The following GULP1 variants were observed in gnomAD, a reference collection of about 807,000 sequenced individuals.
The protein encoded by GULP1 is PTB domain-containing engulfment adapter protein 1.
In GULP1, 19 loss-of-function variants were observed where a neutral mutation model predicts 40.9. That is an observed-to-expected ratio of 0.46 (90% CI 0.32 to 0.68). The LOEUF (loss-of-function observed/expected upper bound fraction) is 0.68, where lower values mean the gene tolerates loss of function less well. Ranked by LOEUF, GULP1 falls within the 30% of genes least tolerant of loss-of-function variation. The pLI is 0.03. For synonymous variants in GULP1, 119 were observed against 117.6 expected, an observed-to-expected ratio of 1.01 and a Z score of -0.08; for missense variants, 312 against 362.2, an observed-to-expected ratio of 0.86 and a Z score of 1.12.
chr2:188,528,325 G>A (rs1686696885), intron 5 of GULP1, among the ~76,000 whole-genome samples: 1 of 151,766 alleles, frequency 6.6e-6, no homozygotes, highest in South Asian at 2.1e-4. Flanking sequence ...AGTTTAGCTG[G>A]GCTCCTGAAA....
intron 2 of GULP1, among the ~76,000 whole-genome samples, chr2:188,459,109 G>T (rs1393235009): frequency 6.6e-6 from 1 of 152,094 alleles, no homozygotes; most frequent in Non-Finnish European, 1.5e-5. Context: ...TACACACTTA[G>T]GTTGCTTCCA....
intron 2 of GULP1, among the ~76,000 whole-genome samples, chr2:188,417,425 G>A (rs2054728014): frequency 6.6e-6 from 1 of 152,202 alleles, no homozygotes; most frequent in South Asian, 2.1e-4. Context: ...TCGTCAGCAA[G>A]AAGGAAGATG....
chr2:188,387,814 T>C (rs924096663), intron 2 of GULP1, among the ~76,000 whole-genome samples: 2 of 152,156 alleles, frequency 1.3e-5, no homozygotes, highest in African/African-American at 4.8e-5. Flanking sequence ...CATTATTATA[T>C]GGAGAGGAAC....
chr2:188,459,351 GC>G (rs1249340231), intron 2 of GULP1, among the ~76,000 whole-genome samples: 1 of 152,090 alleles, frequency 6.6e-6, no homozygotes, highest in Non-Finnish European at 1.5e-5. Context: ...ATTCTCGCTA[GC>G]ATTTTTTATT....
intron 2 of GULP1, among the ~76,000 whole-genome samples, chr2:188,394,596 A>G (rs902209791): frequency 3.3e-5 from 5 of 152,176 alleles, no homozygotes; most frequent in Non-Finnish European, 5.9e-5. Flanking sequence ...GGGGTATTAT[A>G]GAACCCTGTT....
At chr2:188,322,996 C>G (rs2040215804) in intron 1 of GULP1, among the ~76,000 whole-genome samples, 1 of 152,064 alleles carries the variant, frequency 6.6e-6, no homozygotes, top group African/African-American at 2.4e-5. Flanking sequence ...GTTCTCATTC[C>G]TCCCCCTACT....
At chr2:188,423,905 A>G (rs746771561) in intron 2 of GULP1, among the ~76,000 whole-genome samples, 48 of 151,938 alleles carry the variant, frequency 3.2e-4, no homozygotes, top group Middle Eastern at 3.4e-3. Context: ...ATTTTCTACA[A>G]TACACACACA....
At position 188,438,949 on chromosome 2, in the gene GULP1, G is replaced by A. The variant is rs560753000; in HGVS notation, c.-44-38710G>A. 9.9e-5 allele frequency among the ~76,000 whole-genome samples: 15 copies of A among 151,910 alleles called. 1 individual carries two copies. Among genetic ancestry groups the A allele is most frequent in the South Asian group, 8.3e-4 (4 of 4,818 alleles). ...TCCAGAAATGTATAAATATCTAGTT[G>A]CATTTAAAAGTTTTGGAACCAATCC... On this transcript the variant is annotated intron_variant, in intron 2 of 11. Coordinates refer to ENST00000409830, the MANE Select transcript of GULP1 (RefSeq NM_016315.4).
intron 2 of GULP1, among the ~76,000 whole-genome samples, chr2:188,473,091 C>T (rs527593642): frequency 2.8e-4 from 42 of 152,276 alleles, no homozygotes; most frequent in African/African-American, 9.4e-4. Flanking sequence ...TCCAGATCAC[C>T]ATGCAGAGAG....
chr2:188,404,600 A>T (rs2052785550), intron 2 of GULP1, among the ~76,000 whole-genome samples: 1 of 152,196 alleles, frequency 6.6e-6, no homozygotes, highest in Non-Finnish European at 1.5e-5. Context: ...GTACCAGGAC[A>T]GATCCCTCAG....
intron 2 of GULP1, among the ~76,000 whole-genome samples, chr2:188,458,224 C>G (rs1269743186): frequency 6.6e-6 from 1 of 152,072 alleles, no homozygotes; most frequent in Non-Finnish European, 1.5e-5. Context: ...ACCATATTCC[C>G]TCATACTTTC....
At chr2:188,593,867 T>C (rs1424776858) in intron 11 of GULP1, 73 bp from the exon 12 acceptor site, 4 of 828,468 alleles carry the variant, frequency 4.8e-6, no homozygotes, top group Non-Finnish European at 8.3e-6. Flanking sequence ...CTTTAGTGCA[T>C]AGTCTTTTTT....
intron 2 of GULP1, among the ~76,000 whole-genome samples, chr2:188,456,305 A>C (rs997687314): frequency 6.6e-6 from 1 of 152,162 alleles, no homozygotes; most frequent in Non-Finnish European, 1.5e-5. Context: ...CTCTCCCATC[A>C]CGTGCCGGAA....
At chr2:188,545,215 T>C (rs1465560859) in intron 7 of GULP1, among the ~76,000 whole-genome samples, 1 of 151,278 alleles carries the variant, frequency 6.6e-6, no homozygotes, top group African/African-American at 2.4e-5. Flanking sequence ...CTACTAGATA[T>C]CCTAAATGAA....
chr2:188,443,242 C>G (rs1453246473), intron 2 of GULP1, among the ~76,000 whole-genome samples: 1 of 152,110 alleles, frequency 6.6e-6, no homozygotes, highest in African/African-American at 2.4e-5. Flanking sequence ...CTTGCTAGAA[C>G]AGTGGTTAGC....
chr2:188,478,467 T>C (rs1314591595), intron 3 of GULP1, among the ~76,000 whole-genome samples: 1 of 152,116 alleles, frequency 6.6e-6, no homozygotes, highest in Non-Finnish European at 1.5e-5. Context: ...CTCTCCTGTT[T>C]TACATTATTG....
At position 188,450,575 on chromosome 2, in the gene GULP1, A is replaced by G. The variant is rs1003258557; in HGVS notation, c.-44-27084A>G. On this transcript the variant is annotated intron_variant, in intron 2 of 11. Coordinates refer to ENST00000409830, the MANE Select transcript of GULP1 (RefSeq NM_016315.4). The stretch of plus-strand genomic sequence containing the variant: ...TATATTCATCTGGGTATATACAATT[A>G]TATATTTTTCCCTGAATGCTAAAGT... 3.3e-5 allele frequency among the ~76,000 whole-genome samples: 5 copies of G among 152,214 alleles called. No homozygotes were observed. In the South Asian group the frequency reaches 1.0e-3, roughly 32 times the overall value.
chr2:188,547,219 T>C (rs1226488778), intron 7 of GULP1, among the ~76,000 whole-genome samples: 1 of 149,292 alleles, frequency 6.7e-6, no homozygotes, highest in Non-Finnish European at 1.5e-5. Context: ...ATTTCTCTGA[T>C]ACCAAAACCA....
intron 4 of GULP1, among the ~76,000 whole-genome samples, chr2:188,490,910 C>A (rs191554835): frequency 1.4e-4 from 21 of 152,026 alleles, no homozygotes; most frequent in African/African-American, 5.1e-4. Context: ...CTCAGGTGAT[C>A]CTCATACTTC....
Sources: allele counts gnomAD v4.1 joint callset (sites outside exome capture counted in the v4.1 genomes callset), GRCh38; gene constraint gnomAD v4.1.1; transcripts MANE v1.5; gene names NCBI Gene and HGNC (gene_info 2026-07-23, HGNC 2026-07-21).